The following TTC7A variants were observed in gnomAD, a reference collection of about 807,000 sequenced individuals.
TTC7A encodes the protein tetratricopeptide repeat protein 7A.
Under a neutral mutation model 103.7 loss-of-function variants are expected in TTC7A, and 110 were observed. The observed-to-expected ratio is 1.06, with a 90% CI of 0.91 to 1.24. The LOEUF is 1.24. Among genes scored for constraint, TTC7A ranks in the 50% most tolerant of loss-of-function variants. The pLI is 0.00. For missense variants in TTC7A, 1,340 were observed against 1,116.3 expected, an observed-to-expected ratio of 1.20 and a Z score of -2.86; for synonymous variants, 521 against 467.9, an observed-to-expected ratio of 1.11 and a Z score of -1.47.
intron 2 of TTC7A, among the ~76,000 whole-genome samples, chr2:46,953,414 C>T (rs1324204405): frequency 6.6e-6 from 1 of 152,204 alleles, no homozygotes; most frequent in Non-Finnish European, 1.5e-5. Flanking sequence ...CTGTGCCTCC[C>T]AAAGTGCTAG....
intron 19 of TTC7A, among the ~76,000 whole-genome samples, chr2:47,064,035 G>T (rs1683998054): frequency 6.6e-6 from 1 of 152,238 alleles, no homozygotes; most frequent in South Asian, 2.1e-4. Flanking sequence ...CCCCCTGTCG[G>T]TGCCCTAGAT....
Position 47,047,098 on chromosome 2 carries a change from A to G in TTC7A, c.1919+667A>G, listed in dbSNP as rs113150549. On this transcript the variant is annotated intron_variant, in intron 16 of 19. Coordinates refer to ENST00000319190, the MANE Select transcript of TTC7A (RefSeq NM_020458.4). Reference sequence around the variant, plus strand: ...TGCAGGAAGTCTTTGCTCAAACCCAATGGGATGCCTAGGCTTAGCCTATGT... The same window carrying G: ...TGCAGGAAGTCTTTGCTCAAACCCAGTGGGATGCCTAGGCTTAGCCTATGT... 6.9e-3 allele frequency among the ~76,000 whole-genome samples: 1,043 copies of G among 152,208 alleles called. 11 individuals are homozygous for G. Among genetic ancestry groups the G allele is most frequent in the African/African-American group, 0.024 (1,005 of 41,540 alleles).
intron 3 of TTC7A, among the ~76,000 whole-genome samples, chr2:46,972,330 G>A (rs1222372608): frequency 6.6e-6 from 1 of 151,374 alleles, no homozygotes; most frequent in Non-Finnish European, 1.5e-5. Flanking sequence ...TTTTGTTTTT[G>A]GCCTTGAAGC....
chr2:46,996,568 A>G (rs1676208581), intron 8 of TTC7A, among the ~76,000 whole-genome samples: 1 of 152,180 alleles, frequency 6.6e-6, no homozygotes, highest in African/African-American at 2.4e-5. Context: ...GAGGGATTGC[A>G]TCCTGCCTCA....
At chr2:46,919,351 T>C (rs1363052387) in intron 2 of TTC7A, among the ~76,000 whole-genome samples, 1 of 152,154 alleles carries the variant, frequency 6.6e-6, no homozygotes, top group Non-Finnish European at 1.5e-5. Context: ...CTGGCCAGCA[T>C]GGTGAAACCC....
intron 19 of TTC7A, among the ~76,000 whole-genome samples, chr2:47,073,014 C>T (rs1418512361): frequency 6.6e-6 from 1 of 152,110 alleles, no homozygotes; most frequent in Admixed American, 6.5e-5. Context: ...TGACCCAGAC[C>T]CCCCAGGCCT....
In TTC7A at chr2:47,036,558, A is replaced by G. The variant is rs953507866; in HGVS notation, c.1802+7174A>G. Among the ~76,000 whole-genome samples the G allele has an allele frequency of 2.6e-5, 4 of 152,308 alleles. No individual in the cohort carries two copies. In the South Asian group the frequency reaches 8.3e-4, roughly 32 times the overall value. The stretch of plus-strand genomic sequence containing the variant: ...TGGCCCTCCCCCTTTCAGGGAGGGT[A>G]AGGCCTGTTAGAGTCCTTTTAAAAA... On this transcript the variant is annotated intron_variant, in intron 15 of 19. Transcript: ENST00000319190.
chr2:46,963,396 C>G (rs188945857), intron 3 of TTC7A, among the ~76,000 whole-genome samples: 247 of 152,366 alleles, frequency 1.6e-3, no homozygotes, highest in Middle Eastern at 3.4e-3. Context: ...AAGTGTTCCA[C>G]CACATGCCCA....
intron 11 of TTC7A, among the ~76,000 whole-genome samples, chr2:47,020,313 C>G (rs1451002682): frequency 6.6e-6 from 1 of 152,188 alleles, no homozygotes; most frequent in Non-Finnish European, 1.5e-5. Context: ...GGCTTCAGGC[C>G]CCAGCAGCCC....
intron 8 of TTC7A, among the ~76,000 whole-genome samples, chr2:47,004,038 G>T (rs911480487): frequency 1.3e-5 from 2 of 152,192 alleles, no homozygotes; most frequent in African/African-American, 4.8e-5. Context: ...GGATTTCTTG[G>T]CACCTTCTTT....
intron 19 of TTC7A, among the ~76,000 whole-genome samples, chr2:47,062,531 A>C (rs1573073147): frequency 6.6e-6 from 1 of 152,184 alleles, no homozygotes; most frequent in Non-Finnish European, 1.5e-5. Context: ...GCCTCGCCAG[A>C]GGTCACATCC....
chr2:46,984,553 C>G (rs776204561), intron 5 of TTC7A, among the ~76,000 whole-genome samples: 1 of 152,228 alleles, frequency 6.6e-6, no homozygotes, highest in Non-Finnish European at 1.5e-5. Flanking sequence ...AGCCCCCCGA[C>G]AGCCACCTCT....
chr2:47,001,508 C>T lies in TTC7A; in HGVS notation c.1066-4414C>T, dbSNP rs373866598. 1.4e-3 allele frequency among the ~76,000 whole-genome samples: 210 copies of T among 152,302 alleles called. 11 individuals carry two copies. In the South Asian group the frequency reaches 0.042, roughly 31 times the overall value. On this transcript the variant is annotated intron_variant, in intron 8 of 19. Transcript: ENST00000319190. The stretch of plus-strand genomic sequence containing the variant: ...GGGGTGGTCAGTGGTTTCATCCCTG[C>T]CCAGGGTTACTGTGAGGCCAGATGA...
chr2:47,061,267 G>A (rs1214046492), intron 19 of TTC7A, among the ~76,000 whole-genome samples: 2 of 152,116 alleles, frequency 1.3e-5, no homozygotes, highest in African/African-American at 2.4e-5. Flanking sequence ...GTAGGGTTCC[G>A]CAAAGGGATC....
chr2:46,985,118 G>T (rs1460161760), intron 5 of TTC7A, among the ~76,000 whole-genome samples: 2 of 152,200 alleles, frequency 1.3e-5, no homozygotes, highest in Non-Finnish European at 2.9e-5. Context: ...GGGTGGAGGT[G>T]TTGACTGACC....
chr2:46,972,720 C>T (rs145380350), intron 3 of TTC7A, among the ~76,000 whole-genome samples: 1 of 152,322 alleles, frequency 6.6e-6, no homozygotes, highest in African/African-American at 2.4e-5. Context: ...GCATGGGTAA[C>T]TTCTGCAGGG....
rs896738680 is a variant in TTC7A at position 47,049,942 on chromosome 2, C to T, written c.1920-7C>T. ...TTACCGGACCCTGGCCCTCTTTTGC[C>T]TTCCAGAGGCCTAGAAAAGGATGGC... On this transcript the variant is annotated splice_region_variant and splice_polypyrimidine_tract_variant and intron_variant, in intron 16 of 19. Transcript: ENST00000319190. 1 of 1,613,526 alleles carries T rather than the reference C, an allele frequency of 6.2e-7. No homozygotes were observed. Among genetic ancestry groups the T allele is most frequent in the East Asian group, 2.2e-5 (1 of 44,876 alleles).
intron 1 of TTC7A, among the ~76,000 whole-genome samples, chr2:46,944,776 A>C (rs897281149): frequency 6.6e-6 from 1 of 152,150 alleles, no homozygotes; most frequent in African/African-American, 2.4e-5. Flanking sequence ...CCTGGGCTTA[A>C]GCTATTCTCC....
chr2:47,048,381 G>A (rs1247791318), intron 16 of TTC7A, among the ~76,000 whole-genome samples: 1 of 152,292 alleles, frequency 6.6e-6, no homozygotes, highest in African/African-American at 2.4e-5. Flanking sequence ...AGAGTAGGAT[G>A]GGAAGCTGCA....
Sources: gnomAD v4.1 joint callset for allele counts (sites outside exome capture counted in the v4.1 genomes callset) on GRCh38, gnomAD v4.1.1 for gene constraint, MANE v1.5 for transcripts, NCBI Gene and HGNC (gene_info 2026-07-23, HGNC 2026-07-21) for gene names.